ZBTB20: variants seen among roughly 807,000 people sequenced by gnomAD.
ZBTB20 encodes zinc finger and BTB domain-containing protein 20.
ZBTB20 carries 9 observed loss-of-function variants against 56.9 expected under a neutral mutation model. The ratio of observed to expected loss-of-function variants is 0.16; its 90% CI spans 0.10 to 0.28. The LOEUF (loss-of-function observed/expected upper bound fraction) is 0.28, where lower values mean the gene tolerates loss of function less well. Among genes scored for constraint, ZBTB20 ranks in the 10% least tolerant of loss-of-function variants. ZBTB20 has a pLI of 1.00. For synonymous variants in ZBTB20, 417 were observed against 420.7 expected (o/e 0.99, Z 0.11); for missense variants, 655 against 1,003.0 (o/e 0.65, Z 4.69).
intron 7 of ZBTB20, among the ~76,000 whole-genome samples, chr3:114,452,748 T>C (rs1162872987): frequency 1.4e-5 from 1 of 69,572 alleles, no homozygotes; most frequent in African/African-American, 3.5e-5. Context: ...TTTCAGTTAA[T>C]AGAAAAAAAA....
At chr3:114,843,115 T>A (rs1229349564) in intron 4 of ZBTB20, among the ~76,000 whole-genome samples, 1 of 152,184 alleles carries the variant, frequency 6.6e-6, no homozygotes, top group Non-Finnish European at 1.5e-5. Flanking sequence ...GCCATGATTA[T>A]AAGTTTCCTG....
At chr3:114,812,406 T>C (rs911069562) in intron 4 of ZBTB20, among the ~76,000 whole-genome samples, 11 of 151,718 alleles carry the variant, frequency 7.3e-5, no homozygotes, top group Admixed American at 7.2e-4. Flanking sequence ...GACTGGTGCA[T>C]TCACAAACCC....
At chr3:114,862,673 G>T (rs1451836619) in intron 4 of ZBTB20, among the ~76,000 whole-genome samples, 1 of 152,128 alleles carries the variant, frequency 6.6e-6, no homozygotes, top group East Asian at 1.9e-4. Flanking sequence ...AACATACCTG[G>T]ATGGTAGTGA....
At chr3:114,500,634 CA>C in intron 6 of ZBTB20, among the ~76,000 whole-genome samples, 1 of 152,152 alleles carries the variant, frequency 6.6e-6, no homozygotes, top group Non-Finnish European at 1.5e-5. Flanking sequence ...CTTCCCAGCA[CA>C]AGGAGTGCAA....
chr3:114,919,534 C>T (rs930337188), intron 3 of ZBTB20, among the ~76,000 whole-genome samples: 8 of 151,898 alleles, frequency 5.3e-5, no homozygotes, highest in African/African-American at 1.9e-4. Flanking sequence ...CGTGAAACCC[C>T]GTCTCTACTA....
chr3:114,817,508 A>C (rs1250206246), intron 4 of ZBTB20, among the ~76,000 whole-genome samples: 2 of 148,194 alleles, frequency 1.3e-5, no homozygotes, highest in African/African-American at 5.0e-5. Context: ...AAAAGAGAGA[A>C]ACTCTGTCTC....
rs890291363 is a variant in ZBTB20 at position 115,018,081 on chromosome 3, T to A, written c.-506-43665A>T. On this transcript the variant is annotated intron_variant, in intron 2 of 11. Transcript: ENST00000675478. The stretch of plus-strand genomic sequence containing the variant: ...GTTGCACATTGAATCACTGCTGATT[T>A]GTATGCATGAAGTTACCAGGACTTC... Among the ~76,000 whole-genome samples the A allele has an allele frequency of 2.5e-4, 38 of 151,500 alleles. 1 individual carries two copies. Among genetic ancestry groups the A allele is most frequent in the Admixed American group, 1.9e-3 (29 of 15,110 alleles).
chr3:115,037,371 G>A (rs752506989), intron 2 of ZBTB20, among the ~76,000 whole-genome samples: 21 of 152,118 alleles, frequency 1.4e-4, no homozygotes, highest in Non-Finnish European at 1.6e-4. Flanking sequence ...TGCAACCTCC[G>A]TCTCCCAGGT....
chr3:114,747,341 A>T (rs897635293), intron 5 of ZBTB20, among the ~76,000 whole-genome samples: 2 of 152,078 alleles, frequency 1.3e-5, no homozygotes, highest in Non-Finnish European at 2.9e-5. Context: ...TGAGGCAGGC[A>T]GATCACCTAA....
At chr3:114,563,933 T>C (rs78282053) in intron 6 of ZBTB20, among the ~76,000 whole-genome samples, 1 of 152,088 alleles carries the variant, frequency 6.6e-6, no homozygotes, top group Non-Finnish European at 1.5e-5. Context: ...TGTAACAAAT[T>C]AGCACAAACT....
At chr3:115,105,187 A>ATAATAATAGTTATTAATAGTTATAATAGT (rs538851773) in intron 1 of ZBTB20, among the ~76,000 whole-genome samples, 2,921 of 152,260 alleles carry the variant, frequency 0.019, 104 homozygotes, top group African/African-American at 0.067. Context: ...ACAGCGTATC[A>ATAATAATAGTTATTAATAGTTATAATAGT]TAATAATAGT....
chr3:115,120,321 G>C (rs2084148159), intron 1 of ZBTB20, among the ~76,000 whole-genome samples: 2 of 151,994 alleles, frequency 1.3e-5, no homozygotes, highest in Non-Finnish European at 2.9e-5. Context: ...CAAATTTGCT[G>C]TGAACCTACA....
chr3:114,349,521 G>A lies in ZBTB20; in HGVS notation c.1804+753C>T, dbSNP rs577843795. 1.2e-4 allele frequency among the ~76,000 whole-genome samples: 19 copies of A among 152,224 alleles called. No individual in the cohort carries two copies. The East Asian group carries it at 2.9e-3, about 23-fold the overall frequency. ...GTTCATCCATTCTCTCCTTGAATGCGTCTAATTACAGAAACTCACTCCATT... is the reference window on the plus strand; with the variant it reads ...GTTCATCCATTCTCTCCTTGAATGCATCTAATTACAGAAACTCACTCCATT... On this transcript the variant is annotated intron_variant, in intron 11 of 11. Coordinates refer to ENST00000675478, the MANE Select transcript of ZBTB20 (RefSeq NM_001348800.3).
chr3:114,822,304 T>C (rs1455928854), intron 4 of ZBTB20, among the ~76,000 whole-genome samples: 1 of 152,086 alleles, frequency 6.6e-6, no homozygotes, highest in Admixed American at 6.6e-5. Flanking sequence ...AGATATTACA[T>C]GAAATATGAT....
chr3:114,540,120 A>G (rs1027606705), intron 6 of ZBTB20, among the ~76,000 whole-genome samples: 2 of 151,932 alleles, frequency 1.3e-5, no homozygotes. Flanking sequence ...GTGTCCACGT[A>G]TTCTCATCAT....
At chr3:114,507,737 T>C (rs1406473026) in intron 6 of ZBTB20, among the ~76,000 whole-genome samples, 1 of 152,168 alleles carries the variant, frequency 6.6e-6, no homozygotes, top group Non-Finnish European at 1.5e-5. Flanking sequence ...TAGTCTTGTT[T>C]AACTCTGTAT....
chr3:114,939,790 G>A (rs1048442731), intron 3 of ZBTB20, among the ~76,000 whole-genome samples: 1 of 145,892 alleles, frequency 6.9e-6, no homozygotes, highest in African/African-American at 2.8e-5. Context: ...TACTCGATGA[G>A]CCCAGAGTTC....
intron 5 of ZBTB20, among the ~76,000 whole-genome samples, chr3:114,748,965 C>T (rs1452479929): frequency 2.6e-5 from 4 of 151,986 alleles, no homozygotes; most frequent in South Asian, 4.2e-4. Flanking sequence ...GGGAAAAAGG[C>T]CTACAGGATA....
chr3:114,955,689 G>C (rs933080421), intron 3 of ZBTB20, among the ~76,000 whole-genome samples: 3 of 152,072 alleles, frequency 2.0e-5, no homozygotes, highest in African/African-American at 7.2e-5. Flanking sequence ...TAGCTCCAAA[G>C]AGGAAAAGGA....
Sources: gnomAD v4.1 joint callset for allele counts (sites outside exome capture counted in the v4.1 genomes callset) on GRCh38, gnomAD v4.1.1 for gene constraint, MANE v1.5 for transcripts, NCBI Gene and HGNC (gene_info 2026-07-23, HGNC 2026-07-21) for gene names.